The following HECA variants were observed in gnomAD, a reference collection of about 807,000 sequenced individuals.
HECA encodes the protein headcase protein homolog.
Under a neutral mutation model 37.6 loss-of-function variants are expected in HECA, and 13 were observed. The ratio of observed to expected loss-of-function variants is 0.35; its 90% confidence interval spans 0.23 to 0.55. The LOEUF (loss-of-function observed/expected upper bound fraction) is 0.55. Among genes scored for constraint, HECA ranks in the 20% least tolerant of loss-of-function variants. HECA has a pLI of 0.90. For missense variants in HECA, 527 were observed against 701.9 expected, an observed-to-expected ratio of 0.75 and a Z score of 2.82; for synonymous variants, 307 against 291.5, an observed-to-expected ratio of 1.05 and a Z score of -0.54.
At chr6:139,171,149 C>T (rs1774966619) in intron 2 of HECA, among the ~76,000 whole-genome samples, 1 of 151,840 alleles carries the variant, frequency 6.6e-6, no homozygotes, top group Non-Finnish European at 1.5e-5. Context: ...TAAAAATAAG[C>T]ATTTGGGTTG....
At chr6:139,174,589 C>T (rs1434549502) in intron 3 of HECA, 50 bp downstream of exon 3, 3 of 1,584,286 alleles carry the variant, frequency 1.9e-6, no homozygotes, top group South Asian at 2.3e-5. Flanking sequence ...AGGCTTCTGT[C>T]CCCAAGTGAA....
chr6:139,177,139 G>T lies in HECA; in HGVS notation c.*34G>T. The T allele has an allele frequency of 1.2e-6, 1 of 802,972 alleles. No homozygotes were observed. Among genetic ancestry groups the T allele is most frequent in the South Asian group, 1.4e-5 (1 of 69,596 alleles). 49.7% of individuals were successfully genotyped at this position (802,972 alleles called of 1,614,324 possible). On this transcript the variant is annotated 3_prime_UTR_variant, in exon 4 of 4. Transcript: ENST00000367658. This position sits in a 1 kb window ranked among gnomAD's most constrained non-coding sequence, Gnocchi z 4.9. Reference sequence around the variant, plus strand: ...TTGCTTTAGTAATAGCTATTTTATTGATATTATTACTTTATTACATATCTT... The same window carrying T: ...TTGCTTTAGTAATAGCTATTTTATTTATATTATTACTTTATTACATATCTT...
chr6:139,142,903 G>A (rs887018098), intron 1 of HECA, among the ~76,000 whole-genome samples: 11 of 152,168 alleles, frequency 7.2e-5, no homozygotes, highest in African/African-American at 1.7e-4. Flanking sequence ...AGCTGAGATC[G>A]CGCCATTGCA....
intron 2 of HECA, 40 bp downstream of exon 2, chr6:139,167,364 A>G (rs1774906303): frequency 1.4e-6 from 2 of 1,450,382 alleles, no homozygotes; most frequent in African/African-American, 1.4e-5. Context: ...TCTGTTTGTT[A>G]AAAACCAAAC....
rs1775065850 is a variant in HECA at position 139,177,347 on chromosome 6, C to A, written c.*242C>A. The A allele has an allele frequency of 3.2e-6, 1 of 314,332 alleles. No homozygotes were observed. The highest frequency in any genetic ancestry group is 5.8e-6 in the Non-Finnish European group (1 of 171,824). The allele number at this position is 314,332 out of a possible 1,614,324, so 19.5% of individuals were successfully genotyped here. On this transcript the variant is annotated 3_prime_UTR_variant, in exon 4 of 4. Coordinates refer to ENST00000367658, the MANE Select transcript of HECA (RefSeq NM_016217.3). The surrounding 1 kb of genome is among the most constrained non-coding windows in gnomAD (Gnocchi z 4.9). ...GCATTTGGGTTGGGGTTCACTCTTA[C>A]CAAGAATCTTTGATGCAGCTTTAAG...
intron 1 of HECA, among the ~76,000 whole-genome samples, chr6:139,156,584 A>C (rs549469163): frequency 1.3e-5 from 2 of 152,260 alleles, no homozygotes; most frequent in African/African-American, 2.4e-5. Context: ...TAACTTTGGA[A>C]AAGAAATTAG....
intron 3 of HECA, among the ~76,000 whole-genome samples, chr6:139,175,713 C>T (rs1413322022): frequency 6.6e-6 from 1 of 152,176 alleles, no homozygotes; most frequent in Admixed American, 6.5e-5. Flanking sequence ...GTGTCACAGC[C>T]ATGACTGCAC....
chr6:139,171,837 T>G (rs548442190), intron 2 of HECA, among the ~76,000 whole-genome samples: 210 of 140,662 alleles, frequency 1.5e-3, no homozygotes, highest in Middle Eastern at 0.011. Flanking sequence ...TGTTGTTGTG[T>G]TTTTTTTTTT....
At chr6:139,144,963 T>C (rs1460129122) in intron 1 of HECA, among the ~76,000 whole-genome samples, 1 of 152,226 alleles carries the variant, frequency 6.6e-6, no homozygotes, top group Non-Finnish European at 1.5e-5. Flanking sequence ...GTGGGAGGGA[T>C]TGGGACCATT....
At chr6:139,161,341 A>G (rs1196883626) in intron 1 of HECA, among the ~76,000 whole-genome samples, 1 of 152,164 alleles carries the variant, frequency 6.6e-6, no homozygotes, top group African/African-American at 2.4e-5. Flanking sequence ...GGCCACATCA[A>G]AGTGGCTGAC....
intron 1 of HECA, among the ~76,000 whole-genome samples, chr6:139,136,249 C>G (rs1246470384): frequency 7.1e-6 from 1 of 141,496 alleles, no homozygotes; most frequent in Non-Finnish European, 1.5e-5. Context: ...AACTTGACTT[C>G]CGTTCTCAGC....
intron 1 of HECA, among the ~76,000 whole-genome samples, chr6:139,161,042 T>G (rs1240863905): frequency 1.3e-5 from 2 of 151,930 alleles, no homozygotes. Context: ...TGTGTGTGTG[T>G]GGTGTGTGTG....
intron 1 of HECA, among the ~76,000 whole-genome samples, chr6:139,152,138 T>C (rs923669017): frequency 1.3e-5 from 2 of 152,222 alleles, no homozygotes; most frequent in Non-Finnish European, 2.9e-5. Flanking sequence ...GTCCGTATTC[T>C]TTTGGGTCTT....
At chr6:139,151,453 C>A (rs59583592) in intron 1 of HECA, among the ~76,000 whole-genome samples, 3,137 of 115,298 alleles carry the variant, frequency 0.027, 115 homozygotes, top group African/African-American at 0.11. Context: ...GCAGGCAAGG[C>A]AGGCTGAACT....
At chr6:139,150,747 G>A (rs571307790) in intron 1 of HECA, among the ~76,000 whole-genome samples, 79 of 151,946 alleles carry the variant, frequency 5.2e-4, no homozygotes, top group Admixed American at 1.8e-3. Context: ...TTTGAGAATG[G>A]TCATACCATA....
chr6:139,135,362 G>A lies in HECA; in HGVS notation c.-35G>A. On this transcript the variant is annotated 5_prime_UTR_variant, in exon 1 of 4. Transcript: ENST00000367658. ...CGTGCCTCTGGGATCCGCCTTCGCT[G>A]ACGCCGGGCACCTACCTGGACGCGA... 1.5e-6 allele frequency: 2 copies of A among 1,307,026 alleles called. No homozygotes were observed. The highest frequency in any genetic ancestry group is 2.0e-6 in the Non-Finnish European group (2 of 1,001,764). The allele number at this position is 1,307,026 out of a possible 1,614,324, so 81.0% of individuals were successfully genotyped here.
At chr6:139,147,806 A>G (rs1341884985) in intron 1 of HECA, among the ~76,000 whole-genome samples, 2 of 152,134 alleles carry the variant, frequency 1.3e-5, no homozygotes, top group African/African-American at 4.8e-5. Flanking sequence ...CCTGTTCTTA[A>G]TGGACCAGAG....
chr6:139,156,757 C>A (rs1468539295), intron 1 of HECA, among the ~76,000 whole-genome samples: 1 of 152,206 alleles, frequency 6.6e-6, no homozygotes, highest in African/African-American at 2.4e-5. Context: ...CATACTCTAT[C>A]CTTAGACTAT....
intron 1 of HECA, among the ~76,000 whole-genome samples, chr6:139,158,092 C>A (rs1229731010): frequency 6.6e-6 from 1 of 152,152 alleles, no homozygotes; most frequent in Non-Finnish European, 1.5e-5. Flanking sequence ...TGCAGTGGCT[C>A]ACACCTATGA....
Sources: gnomAD v4.1 joint callset for allele counts (sites outside exome capture counted in the v4.1 genomes callset) on GRCh38, gnomAD v4.1.1 for gene constraint, Gnocchi (gnomAD v3.1) non-coding constraint, MANE v1.5 for transcripts, NCBI Gene and HGNC (gene_info 2026-07-23, HGNC 2026-07-21) for gene names.